Variants in KIF26A observed in about 807,000 individuals in gnomAD.
KIF26A encodes the protein kinesin-like protein KIF26A.
A neutral mutation model predicts 126.0 loss-of-function variants in KIF26A; 74 were observed. That is an observed-to-expected ratio of 0.59 (90% CI 0.49 to 0.71). KIF26A has a LOEUF of 0.71. KIF26A is among the 30% of genes least tolerant of loss of function. The pLI is 0.00. For missense variants in KIF26A, 2,984 were observed against 2,763.3 expected, an observed-to-expected ratio of 1.08 and a Z score of -1.79; for synonymous variants, 1,445 against 1,232.7, an observed-to-expected ratio of 1.17 and a Z score of -3.61.
At chr14:104,147,894 G>A (rs928896257) in intron 2 of KIF26A, among the ~76,000 whole-genome samples, 6 of 152,228 alleles carry the variant, frequency 3.9e-5, no homozygotes, top group African/African-American at 1.4e-4. Flanking sequence ...CAGCGGCCCT[G>A]CCAGTGGGTG....
Position 104,173,486 on chromosome 14 carries a change from C to T in KIF26A, c.1840C>T (p.Arg614Cys), listed in dbSNP as rs200210920. The T allele has an allele frequency of 3.0e-5, 47 of 1,573,892 alleles. No homozygotes were observed. In the East Asian group the frequency reaches 3.9e-4, roughly 13 times the overall value. The change falls in exon 9 of 15, where the codon CGC becomes TGC. Residue 614 changes from arginine (R) to cysteine (C), a missense_variant. Physicochemically the swap from Arg to Cys is radical, Grantham distance 180 (BLOSUM62 -3). Coordinates refer to ENST00000423312, the MANE Select transcript of KIF26A (RefSeq NM_015656.2). Reference sequence around the variant, plus strand: ...GTTCACGCTGCACGTCTACCAGTACCGCATGGAGAAGTGCGGCCGGGGAGG... The same window carrying T: ...GTTCACGCTGCACGTCTACCAGTACTGCATGGAGAAGTGCGGCCGGGGAGG... ...MLFTLHVYQYRMEKCGRGGMS... is the reference protein window; with the variant it reads ...MLFTLHVYQYCMEKCGRGGMS...
rs1017534825 is a variant in KIF26A, at chr14:104,176,290, A to G, written c.3502A>G (p.Ser1168Gly). The change falls in exon 12 of 15, where the codon AGT becomes GGT. Residue 1168 changes from serine to glycine, a missense_variant. Coordinates refer to ENST00000423312, the MANE Select transcript of KIF26A (RefSeq NM_015656.2). ...SGFLGPDRPD[S>G]PGPTWGPCPG... ...GTTCCTGGGGCCAGACAGACCTGAC[A>G]GTCCTGGGCCAACCTGGGGTCCGTG... is the stretch of plus-strand genomic sequence containing the variant. 3 of 1,584,848 alleles carry G rather than the reference A, an allele frequency of 1.9e-6. No individual in the cohort carries two copies. The highest frequency in any genetic ancestry group is 2.3e-5 in the East Asian group (1 of 44,166).
chr14:104,157,666 C>A (rs547457422), intron 3 of KIF26A, 89 bp from the exon 4 acceptor site: 264 of 1,404,560 alleles, frequency 1.9e-4, no homozygotes, highest in Non-Finnish European at 2.3e-4. Context: ...CTCTGGGGTG[C>A]CCAGGCCTGT....
intron 3 of KIF26A, among the ~76,000 whole-genome samples, chr14:104,157,040 T>G (rs2037785361): frequency 6.6e-6 from 1 of 152,086 alleles, no homozygotes; most frequent in Non-Finnish European, 1.5e-5. Context: ...TTCCCTGCCT[T>G]GCCTGGGGTT....
At chr14:104,150,139 C>T (rs1378494063) in intron 2 of KIF26A, among the ~76,000 whole-genome samples, 16 of 122,892 alleles carry the variant, frequency 1.3e-4, no homozygotes, top group Admixed American at 1.2e-3. Flanking sequence ...CCTCCCCGTC[C>T]CCCTCCCCCT....
At position 104,139,068 on chromosome 14, in the gene KIF26A, A is replaced by G; in HGVS notation, c.68A>G (p.Glu23Gly). The change falls in exon 2 of 15, where the codon GAG becomes GGG. Residue 23 changes from glutamate (E) to glycine (G), a missense_variant. Glu to Gly is a moderately conservative substitution (Grantham distance 98). Transcript: ENST00000423312. ...PAVAEGGPAR[E>G]PPPLLEVSPR... ...GTGGCCGAGGGCGGCCCGGCCCGCG[A>G]GCCGCCGCCGCTGCTGGAGGTGTCC... The G allele has an allele frequency of 7.2e-7, 1 of 1,386,032 alleles. No homozygotes were observed. Among genetic ancestry groups the G allele is most frequent in the Non-Finnish European group, 9.3e-7 (1 of 1,076,732 alleles). 85.9% of individuals were successfully genotyped at this position (1,386,032 alleles called of 1,614,324 possible).
chr14:104,143,993 G>A (rs930178758), intron 2 of KIF26A, among the ~76,000 whole-genome samples: 1 of 152,236 alleles, frequency 6.6e-6, no homozygotes, highest in Non-Finnish European at 1.5e-5. Flanking sequence ...TTACTGTTGG[G>A]GAGGGAGCCT....
At chr14:104,171,432 C>T (rs994934514) in intron 5 of KIF26A, among the ~76,000 whole-genome samples, 7 of 152,190 alleles carry the variant, frequency 4.6e-5, no homozygotes, top group African/African-American at 1.7e-4. Context: ...CCTCTTCTCA[C>T]GGAGGCGCCC....
chr14:104,167,178 G>A, intron 5 of KIF26A, 130 bp downstream of exon 5: 1 of 1,013,068 alleles, frequency 9.9e-7, no homozygotes, highest in Non-Finnish European at 1.4e-6. Context: ...TCAGTGGGGT[G>A]CCATGGGGAG....
chr14:104,156,859 G>A (rs1043253609), intron 3 of KIF26A, among the ~76,000 whole-genome samples: 11 of 152,300 alleles, frequency 7.2e-5, no homozygotes, highest in East Asian at 1.9e-4. Flanking sequence ...TACAAAGGAC[G>A]CCTCGGGCAG....
intron 10 of KIF26A, 54 bp from the exon 11 acceptor site, chr14:104,174,094 G>C (rs1490687597): frequency 6.8e-7 from 1 of 1,478,602 alleles, no homozygotes; most frequent in Non-Finnish European, 9.0e-7. Context: ...TGGCCAGCCT[G>C]TCCCCGAAGC....
Position 104,166,850 on chromosome 14 carries a change from C to G in KIF26A, c.924-9C>G. On this transcript the variant is annotated splice_polypyrimidine_tract_variant and intron_variant, in intron 4 of 14. Transcript: ENST00000423312. Reference sequence around the variant, plus strand: ...CACCACTGATCCTGCCTCTGCCTCTCCTCCCCAGGGCTATGCAGAAGCTCA... The same window carrying G: ...CACCACTGATCCTGCCTCTGCCTCTGCTCCCCAGGGCTATGCAGAAGCTCA... 2 of 1,551,418 alleles carry G rather than the reference C, an allele frequency of 1.3e-6. No individual in the cohort carries two copies. The highest frequency in any genetic ancestry group is 1.7e-6 in the Non-Finnish European group (2 of 1,146,988).
In KIF26A at chr14:104,148,676, A is replaced by T. The variant is rs944136105; in HGVS notation, c.289-3339A>T. ...TGCGTGGCCGGGGAGGGGGAGGGGG[A>T]GGGGAGGGGCAGGGCTGCAGGGCTG... On this transcript the variant is annotated intron_variant, in intron 2 of 14. Transcript: ENST00000423312. This position sits in a 1 kb window ranked among gnomAD's most constrained non-coding sequence, Gnocchi z 4.3. Among the ~76,000 whole-genome samples, 1 of 3,714 alleles carries T rather than the reference A, an allele frequency of 2.7e-4. No homozygotes were observed. The highest frequency in any genetic ancestry group is 1.0e-3 in the African/African-American group (1 of 976). The allele number at this position is 3,714 out of a possible 152,430, so 2.4% of individuals were successfully genotyped here.
At position 104,177,861 on chromosome 14, in the gene KIF26A, C is replaced by A; in HGVS notation, c.5073C>A (p.Arg1691=). The A allele has an allele frequency of 6.4e-7, 1 of 1,556,584 alleles. No homozygotes were observed. Among genetic ancestry groups the A allele is most frequent in the Admixed American group, 1.8e-5 (1 of 55,432 alleles). Reference sequence around the variant, plus strand: ...GTGGGGCTGCCTCCCCAGGCGCCCGCACCCGCAGCCTCAAGTCCCCCAAGA... The same window carrying A: ...GTGGGGCTGCCTCCCCAGGCGCCCGAACCCGCAGCCTCAAGTCCCCCAAGA... ...SESGAASPGA[R]TRSLKSPKKR... Residue 1691 remains arginine, a synonymous_variant, in exon 12 of 15, where the codon CGC becomes CGA. Coordinates refer to ENST00000423312, the MANE Select transcript of KIF26A (RefSeq NM_015656.2).
At chr14:104,139,752 G>A (rs1488967352) in intron 2 of KIF26A, among the ~76,000 whole-genome samples, 2 of 152,206 alleles carry the variant, frequency 1.3e-5, no homozygotes, top group African/African-American at 4.8e-5. Flanking sequence ...GAAAGGGTGG[G>A]CCACAGCAGC....
intron 13 of KIF26A, 123 bp downstream of exon 13, chr14:104,178,878 A>G (rs926073833): frequency 5.9e-5 from 37 of 622,892 alleles, no homozygotes; most frequent in Non-Finnish European, 8.9e-5. Flanking sequence ...CCCTGACCTC[A>G]CTTTCTGTCC....
intron 4 of KIF26A, 67 bp downstream of exon 4, chr14:104,158,009 G>A: frequency 7.1e-7 from 1 of 1,404,748 alleles, no homozygotes; most frequent in Non-Finnish European, 9.4e-7. Flanking sequence ...TGGGCCCCTG[G>A]GGACCTATGG....
intron 2 of KIF26A, among the ~76,000 whole-genome samples, chr14:104,140,435 A>G (rs2037627147): frequency 6.6e-6 from 1 of 152,140 alleles, no homozygotes; most frequent in African/African-American, 2.4e-5. Flanking sequence ...GGCCCCCTGG[A>G]GAGGGCCAGC....
intron 4 of KIF26A, among the ~76,000 whole-genome samples, chr14:104,162,718 T>C (rs1054411121): frequency 3.9e-5 from 6 of 151,980 alleles, no homozygotes; most frequent in Non-Finnish European, 8.8e-5. Flanking sequence ...GGGCGTGACC[T>C]CTCCCCATCC....
Sources: allele counts gnomAD v4.1 joint callset (sites outside exome capture counted in the v4.1 genomes callset), GRCh38; gene constraint gnomAD v4.1.1; non-coding constraint Gnocchi (gnomAD v3.1); transcripts MANE v1.5; gene names NCBI Gene and HGNC (gene_info 2026-07-23, HGNC 2026-07-21).